PAK2: variants seen among roughly 807,000 people sequenced by gnomAD.
PAK2 encodes p21 (RAC1) activated kinase 2, also known as serine/threonine-protein kinase PAK 2.
Under a neutral mutation model 65.9 loss-of-function variants are expected in PAK2, and 21 were observed. The observed-to-expected ratio is 0.32, with a 90% CI of 0.23 to 0.46. The LOEUF is 0.46. Ranked by LOEUF, PAK2 falls within the 20% of genes least tolerant of loss-of-function variation. The pLI is 1.00. For synonymous variants in PAK2, 204 were observed against 219.7 expected (o/e 0.93, Z 0.63); for missense variants, 324 against 642.6 (o/e 0.50, Z 5.36).
At chr3:196,810,526 T>A in intron 7 of PAK2, 64 bp from the exon 8 acceptor site, 1 of 842,244 alleles carries the variant, frequency 1.2e-6, no homozygotes, top group South Asian at 1.4e-5. Context: ...AAAGGAATAA[T>A]AATATCACAA....
chr3:196,781,911 C>T (rs1488004419), intron 1 of PAK2, among the ~76,000 whole-genome samples: 2 of 152,148 alleles, frequency 1.3e-5, no homozygotes, highest in African/African-American at 4.8e-5. Flanking sequence ...CGAGACCAGC[C>T]TGGCCAACAT....
At chr3:196,764,444 C>A (rs547005512) in intron 1 of PAK2, among the ~76,000 whole-genome samples, 1 of 151,548 alleles carries the variant, frequency 6.6e-6, no homozygotes, top group African/African-American at 2.4e-5. Flanking sequence ...GGTGTGAAGC[C>A]GCATCTCTAC....
At chr3:196,753,116 G>A (rs1286210773) in intron 1 of PAK2, among the ~76,000 whole-genome samples, 1 of 151,088 alleles carries the variant, frequency 6.6e-6, no homozygotes, top group Non-Finnish European at 1.5e-5. Flanking sequence ...CCACCACCAC[G>A]CCTGGCTAAT....
intron 1 of PAK2, among the ~76,000 whole-genome samples, chr3:196,743,792 G>A (rs1467266952): frequency 6.6e-6 from 1 of 152,094 alleles, no homozygotes; most frequent in African/African-American, 2.4e-5. Flanking sequence ...TGAGGCAGGA[G>A]AACTGCTTGA....
At chr3:196,813,370 A>T (rs554610534) in intron 10 of PAK2, among the ~76,000 whole-genome samples, 1 of 151,692 alleles carries the variant, frequency 6.6e-6, no homozygotes, top group African/African-American at 2.4e-5. Flanking sequence ...AGGCAGGAGA[A>T]TTGCTTGAAC....
chr3:196,826,718 C>T (rs1711889851), intron 13 of PAK2, among the ~76,000 whole-genome samples: 3 of 151,958 alleles, frequency 2.0e-5, no homozygotes, highest in Admixed American at 2.0e-4. Context: ...GTCAGGAGTT[C>T]AAGACCAGCC....
At chr3:196,780,723 A>G (rs1240439200) in intron 1 of PAK2, among the ~76,000 whole-genome samples, 1 of 152,206 alleles carries the variant, frequency 6.6e-6, no homozygotes, top group Non-Finnish European at 1.5e-5. Context: ...AGTGCTAGTG[A>G]CACACTCCCA....
rs776632073 is a variant in PAK2, at chr3:196,803,039, G to A, written c.311G>A (p.Arg104Gln). ...TAGGGCATGCCAGAACAGTGGGCTC[G>A]ATTACTACAGACCTCCAATATCACC... Reference protein sequence around the residue: ...EFTGMPEQWARLLQTSNITKL... With the variant: ...EFTGMPEQWAQLLQTSNITKL... Residue 104 changes from arginine (R) to glutamine (Q), a missense_variant, in exon 4 of 15, where the codon CGA (arginine) becomes CAA (glutamine). This residue lies in a region of PAK2 where 20 missense variants were observed against 99.9 expected (regional missense o/e 0.20). Coordinates refer to ENST00000327134, the MANE Select transcript of PAK2 (RefSeq NM_002577.4). 1.3e-5 allele frequency: 21 copies of A among 1,605,000 alleles called. No homozygotes were observed. Among genetic ancestry groups the A allele is most frequent in the East Asian group, 2.3e-5 (1 of 44,280 alleles).
Position 196,814,366 on chromosome 3 carries a change from T to A in PAK2, c.936-85T>A, listed in dbSNP as rs1325422500. On this transcript the variant is annotated intron_variant, in intron 10 of 14. Transcript: ENST00000327134. ...CAGCTCTAGTTTTATTGTTAGGGTG[T>A]TTAATATTTGAATTCTTCAACATAG... 5 of 632,738 alleles carry A rather than the reference T, an allele frequency of 7.9e-6. No homozygotes were observed. The East Asian group carries it at 1.5e-4, about 19-fold the overall frequency. The allele number at this position is 632,738 out of a possible 1,614,324, so 39.2% of individuals were successfully genotyped here.
chr3:196,803,867 G>T (rs1317001016), intron 4 of PAK2, among the ~76,000 whole-genome samples: 3 of 152,200 alleles, frequency 2.0e-5, no homozygotes, highest in Admixed American at 6.5e-5. Context: ...TTGGTATATA[G>T]TGTAAGAGTT....
rs748540853 is a variant in PAK2 at position 196,806,690 on chromosome 3, A to C, written c.576+4A>C. 9.1e-6 allele frequency: 14 copies of C among 1,535,942 alleles called. No homozygotes were observed. The highest frequency in any genetic ancestry group is 9.9e-6 in the Non-Finnish European group (11 of 1,108,870). On this transcript the variant is annotated splice_donor_region_variant and intron_variant, in intron 6 of 14. Coordinates refer to ENST00000327134, the MANE Select transcript of PAK2 (RefSeq NM_002577.4). The stretch of plus-strand genomic sequence containing the variant: ...GCGACCGGATCATACGAAATCAGTG[A>C]GTCTCCATCGGTGATCTAGGCTGTG...
intron 9 of PAK2, 61 bp downstream of exon 9, chr3:196,812,328 A>G: frequency 1.0e-6 from 1 of 991,906 alleles, no homozygotes; most frequent in South Asian, 1.3e-5. Flanking sequence ...TGGAAACTAG[A>G]TGAAGCTGGG....
chr3:196,817,968 G>T, intron 11 of PAK2, 89 bp from the exon 12 acceptor site: 1 of 552,144 alleles, frequency 1.8e-6, no homozygotes. Flanking sequence ...CTGGGCACTG[G>T]AAGCAATGCT....
At chr3:196,777,754 A>G (rs1714581700) in intron 1 of PAK2, among the ~76,000 whole-genome samples, 1 of 152,250 alleles carries the variant, frequency 6.6e-6, no homozygotes, top group Admixed American at 6.5e-5. Context: ...ATGAACTCTT[A>G]CAGAGGACTC....
rs1560113516 is a variant in PAK2, at chr3:196,811,208, T to TTCCCTTCCTTCCCTTCCCTACCC, written c.773+563_773+564insTTCCCTTCCCTACCCTCCCTTCC. Reference sequence around the variant, plus strand: ...CCATATGAATTCCTTCCTCCCTTCCTTCCCTTCCCTCCCTCCCTTCCCTTC... The same window carrying TTCCCTTCCTTCCCTTCCCTACCC: ...CCATATGAATTCCTTCCTCCCTTCCTTCCCTTCCTTCCCTTCCCTACCCTCCCTTCCCTCCCTCCCTTCCCTTC... On this transcript the variant is annotated intron_variant, in intron 8 of 14. Transcript: ENST00000327134. Among the ~76,000 whole-genome samples the TTCCCTTCCTTCCCTTCCCTACCC allele has an allele frequency of 8.0e-4, 8 of 10,048 alleles. 1 individual carries two copies. Among genetic ancestry groups the TTCCCTTCCTTCCCTTCCCTACCC allele is most frequent in the African/African-American group, 1.3e-3 (4 of 3,026 alleles). The allele number at this position is 10,048 out of a possible 152,430, so 6.6% of individuals were successfully genotyped here.
At chr3:196,799,043 A>C (rs1477275013) in intron 2 of PAK2, among the ~76,000 whole-genome samples, 1 of 152,172 alleles carries the variant, frequency 6.6e-6, no homozygotes, top group Admixed American at 6.5e-5. Flanking sequence ...TAGCTAATGT[A>C]GTAAGGCAAA....
intron 6 of PAK2, among the ~76,000 whole-genome samples, chr3:196,807,421 C>G (rs1032706858): frequency 1.3e-5 from 2 of 152,132 alleles, no homozygotes; most frequent in African/African-American, 4.8e-5. Context: ...ATTTCAACAT[C>G]AAGGTTTCTG....
intron 13 of PAK2, among the ~76,000 whole-genome samples, chr3:196,822,414 C>T (rs1369229240): frequency 6.6e-6 from 1 of 152,168 alleles, no homozygotes; most frequent in Non-Finnish European, 1.5e-5. Flanking sequence ...GAGAGCTGGG[C>T]ACAGTGGCTC....
chr3:196,764,646 T>G (rs1459578328), intron 1 of PAK2, among the ~76,000 whole-genome samples: 1 of 151,112 alleles, frequency 6.6e-6, no homozygotes, highest in Admixed American at 6.6e-5. Context: ...TAAATACAGA[T>G]AGAAGTCAAC....
Sources: gnomAD v4.1 joint callset for allele counts (sites outside exome capture counted in the v4.1 genomes callset) on GRCh38, gnomAD v4.1.1 for gene constraint, gnomAD v4.1.1 regional missense constraint, MANE v1.5 for transcripts, NCBI Gene and HGNC (gene_info 2026-07-23, HGNC 2026-07-21) for gene names.